AP3B1: variants seen among roughly 807,000 people sequenced by gnomAD.
AP3B1 encodes adaptor related protein complex 3 subunit beta 1.
A neutral mutation model predicts 132.5 loss-of-function variants in AP3B1; 61 were observed. The observed-to-expected ratio is 0.46, with a 90% CI of 0.37 to 0.57. The LOEUF (loss-of-function observed/expected upper bound fraction) is 0.57, where lower values mean the gene tolerates loss of function less well. Among genes scored for constraint, AP3B1 ranks in the 20% least tolerant of loss-of-function variants. The pLI is 0.00. For synonymous variants in AP3B1, 388 were observed against 438.3 expected, an observed-to-expected ratio of 0.89 and a Z score of 1.43; for missense variants, 1,120 against 1,289.4, an observed-to-expected ratio of 0.87 and a Z score of 2.01.
intron 7 of AP3B1, among the ~76,000 whole-genome samples, chr5:78,194,408 C>T (rs1744998126): frequency 6.6e-6 from 1 of 152,066 alleles, no homozygotes; most frequent in Non-Finnish European, 1.5e-5. Context: ...TCTATTGAGC[C>T]TACAGAAATG....
intron 16 of AP3B1, 71 bp downstream of exon 16, chr5:78,129,050 C>T (rs1017024878): frequency 1.2e-4 from 154 of 1,294,686 alleles, no homozygotes; most frequent in Non-Finnish European, 1.6e-4. Flanking sequence ...ATTTTAAGCA[C>T]ATTAGAAATG....
At chr5:78,153,622 C>T (rs531386604) in intron 14 of AP3B1, among the ~76,000 whole-genome samples, 10 of 152,204 alleles carry the variant, frequency 6.6e-5, no homozygotes, top group African/African-American at 2.4e-4. Flanking sequence ...TCACATTCTT[C>T]TCTTCCTTCC....
chr5:78,047,062 T>C (rs984135700), intron 22 of AP3B1, among the ~76,000 whole-genome samples: 2 of 152,318 alleles, frequency 1.3e-5, no homozygotes, highest in East Asian at 1.9e-4. Flanking sequence ...TAGTATTCCA[T>C]GGTGTATGTG....
intron 8 of AP3B1, among the ~76,000 whole-genome samples, chr5:78,178,352 G>A (rs543091940): frequency 6.5e-4 from 99 of 152,326 alleles, no homozygotes; most frequent in African/African-American, 2.3e-3. Flanking sequence ...ACTGGGCACA[G>A]TGGCTCACGC....
intron 2 of AP3B1, among the ~76,000 whole-genome samples, chr5:78,259,626 T>C (rs1475312657): frequency 6.6e-6 from 1 of 152,226 alleles, no homozygotes; most frequent in Non-Finnish European, 1.5e-5. Context: ...AAACATCTCA[T>C]GTACCCCCAA....
chr5:78,238,830 A>G (rs1746991793), intron 3 of AP3B1, among the ~76,000 whole-genome samples: 1 of 151,678 alleles, frequency 6.6e-6, no homozygotes, highest in Non-Finnish European at 1.5e-5. Context: ...CAGATCAATA[A>G]TTATATTAAG....
chr5:78,090,442 G>A (rs1168504642), intron 21 of AP3B1, among the ~76,000 whole-genome samples: 2 of 152,180 alleles, frequency 1.3e-5, no homozygotes, highest in African/African-American at 4.8e-5. Flanking sequence ...ACGTCTTGGA[G>A]CCTTTTATAT....
In AP3B1 at chr5:78,087,039, C is replaced by T. The variant is rs560570829; in HGVS notation, c.2577+2354G>A. Among the ~76,000 whole-genome samples the T allele has an allele frequency of 3.0e-4, 45 of 152,258 alleles. No individual in the cohort carries two copies. In the South Asian group the frequency reaches 5.4e-3, roughly 18 times the overall value. ...TTCTCACATTCATGAGTTCTATATA[C>T]GAGTGCCAGCATCATTTAACTACTT... On this transcript the variant is annotated intron_variant, in intron 22 of 26. Coordinates refer to ENST00000255194, the MANE Select transcript of AP3B1 (RefSeq NM_003664.5).
chr5:78,134,068 G>A (rs1409414664), intron 15 of AP3B1, among the ~76,000 whole-genome samples: 1 of 150,230 alleles, frequency 6.7e-6, no homozygotes, highest in Admixed American at 6.7e-5. Flanking sequence ...GGAGAATGGC[G>A]TGAACCTGGG....
chr5:78,231,764 G>A (rs1746661256), intron 3 of AP3B1, among the ~76,000 whole-genome samples: 2 of 152,110 alleles, frequency 1.3e-5, no homozygotes, highest in South Asian at 2.1e-4. Context: ...AATCCTTATA[G>A]GTAGCATTAA....
intron 6 of AP3B1, among the ~76,000 whole-genome samples, 159 bp from the exon 7 acceptor site, chr5:78,216,396 G>T (rs1007821914): frequency 6.6e-6 from 1 of 152,100 alleles, no homozygotes; most frequent in East Asian, 1.9e-4. Flanking sequence ...AAACTTTATG[G>T]TGACTATTCG....
At chr5:78,230,648 CCCGCTTCACCAAGTT>C (rs1214903806) in intron 3 of AP3B1, among the ~76,000 whole-genome samples, 1 of 152,156 alleles carries the variant, frequency 6.6e-6, no homozygotes, top group Admixed American at 6.5e-5. Context: ...CCCAAGTTAT[CCCGCTTCACCAAGTT>C]CCACTTCCCC....
chr5:78,209,900 T>TA (rs1561478813), intron 7 of AP3B1, among the ~76,000 whole-genome samples: 1 of 151,840 alleles, frequency 6.6e-6, no homozygotes, highest in Non-Finnish European at 1.5e-5. Context: ...CTTCATGAGT[T>TA]AAAAAAAATT....
At chr5:78,253,474 C>T (rs183909348) in intron 2 of AP3B1, among the ~76,000 whole-genome samples, 8 of 152,294 alleles carry the variant, frequency 5.3e-5, no homozygotes, top group African/African-American at 7.2e-5. Context: ...AAATACCTAA[C>T]GCTCCAATGC....
intron 7 of AP3B1, among the ~76,000 whole-genome samples, chr5:78,200,622 C>A (rs535158229): frequency 6.6e-6 from 1 of 152,138 alleles, no homozygotes; most frequent in South Asian, 2.1e-4. Context: ...TTACTGCACC[C>A]CAACCTGGGC....
chr5:78,112,509 C>G (rs905907996), intron 19 of AP3B1, among the ~76,000 whole-genome samples: 1 of 152,156 alleles, frequency 6.6e-6, no homozygotes, highest in Non-Finnish European at 1.5e-5. Context: ...TTTGAGTATA[C>G]TGACTTTTGC....
At chr5:78,126,734 G>T (rs895218356) in intron 17 of AP3B1, among the ~76,000 whole-genome samples, 1 of 152,040 alleles carries the variant, frequency 6.6e-6, no homozygotes, top group Non-Finnish European at 1.5e-5. Flanking sequence ...AAGTACTAAG[G>T]ATAATACAGA....
intron 22 of AP3B1, among the ~76,000 whole-genome samples, chr5:78,082,959 G>A (rs1750079678): frequency 6.6e-6 from 1 of 152,002 alleles, no homozygotes; most frequent in African/African-American, 2.4e-5. Flanking sequence ...GGGATTACAG[G>A]CACACGCCAC....
intron 11 of AP3B1, among the ~76,000 whole-genome samples, chr5:78,171,200 T>C (rs1030544377): frequency 2.0e-5 from 3 of 152,234 alleles, no homozygotes; most frequent in African/African-American, 7.2e-5. Flanking sequence ...TTGCTTAGGA[T>C]TGTCTTGGCA....
Sources: gnomAD v4.1 joint callset for allele counts (sites outside exome capture counted in the v4.1 genomes callset) on GRCh38, gnomAD v4.1.1 for gene constraint, MANE v1.5 for transcripts, NCBI Gene and HGNC (gene_info 2026-07-23, HGNC 2026-07-21) for gene names.